GRID1: variants seen among roughly 807,000 people sequenced by gnomAD.
The protein encoded by GRID1 is glutamate ionotropic receptor delta type subunit 1.
Under a neutral mutation model 98.0 loss-of-function variants are expected in GRID1, and 28 were observed. The ratio of observed to expected loss-of-function variants is 0.29; its 90% confidence interval spans 0.21 to 0.39. The LOEUF (loss-of-function observed/expected upper bound fraction) is 0.39, where lower values mean the gene tolerates loss of function less well. Ranked by LOEUF, GRID1 falls within the 10% of genes least tolerant of loss-of-function variation. The pLI, the probability that GRID1 is intolerant of heterozygous loss-of-function variation, is 1.00. For synonymous variants in GRID1, 553 were observed against 538.5 expected (o/e 1.03, Z -0.37); for missense variants, 1,111 against 1,340.5 (o/e 0.83, Z 2.67).
At chr10:85,857,981 C>T (rs2131783441) in intron 6 of GRID1, among the ~76,000 whole-genome samples, 1 of 152,344 alleles carries the variant, frequency 6.6e-6, no homozygotes, top group East Asian at 1.9e-4. Flanking sequence ...AAGCTGAAGT[C>T]TGAGATGAGC....
intron 3 of GRID1, among the ~76,000 whole-genome samples, chr10:86,145,663 C>G (rs2131976816): frequency 6.6e-6 from 1 of 152,258 alleles, no homozygotes; most frequent in Non-Finnish European, 1.5e-5. Flanking sequence ...GAGGCCATCT[C>G]AGGTCCTCAA....
At chr10:86,160,152 C>G (rs973642858) in intron 3 of GRID1, among the ~76,000 whole-genome samples, 34 of 152,280 alleles carry the variant, frequency 2.2e-4, no homozygotes, top group African/African-American at 7.9e-4. Context: ...CAGGATGGGT[C>G]TGATTTCTAC....
intron 12 of GRID1, among the ~76,000 whole-genome samples, chr10:85,682,021 C>T (rs1293980665): frequency 1.3e-5 from 2 of 151,952 alleles, no homozygotes; most frequent in African/African-American, 2.4e-5. Flanking sequence ...GTGGGGCAAG[C>T]AGCAGACAGC....
chr10:86,258,434 A>C (rs1231576536), intron 2 of GRID1, among the ~76,000 whole-genome samples: 1 of 152,216 alleles, frequency 6.6e-6, no homozygotes, highest in Admixed American at 6.5e-5. Context: ...GTAACAAGCA[A>C]CCCCAAAATC....
chr10:85,896,802 T>A (rs1841300035), intron 5 of GRID1, among the ~76,000 whole-genome samples: 1 of 152,114 alleles, frequency 6.6e-6, no homozygotes, highest in Non-Finnish European at 1.5e-5. Context: ...ACTCTTTGAG[T>A]TTCCATACTT....
At chr10:86,061,051 C>T (rs533153861) in intron 4 of GRID1, among the ~76,000 whole-genome samples, 47 of 152,280 alleles carry the variant, frequency 3.1e-4, no homozygotes, top group East Asian at 1.9e-4. Context: ...TCACCTTGGC[C>T]CCCATGGCAC....
At chr10:85,808,990 G>A (rs755790307) in intron 8 of GRID1, among the ~76,000 whole-genome samples, 6 of 151,646 alleles carry the variant, frequency 4.0e-5, no homozygotes, top group Non-Finnish European at 8.8e-5. Context: ...GAAAACAGAG[G>A]AAATGAGAGA....
At chr10:85,946,701 A>G (rs12220143) in intron 4 of GRID1, among the ~76,000 whole-genome samples, 5,409 of 152,242 alleles carry the variant, frequency 0.036, 247 homozygotes, top group East Asian at 0.17. Context: ...TCCCCAGGTC[A>G]GTCTTGGGCG....
intron 4 of GRID1, among the ~76,000 whole-genome samples, chr10:86,009,876 T>C (rs1195580573): frequency 6.6e-6 from 1 of 152,164 alleles, no homozygotes; most frequent in Non-Finnish European, 1.5e-5. Flanking sequence ...AGCAGATACA[T>C]AGGCAAGAAA....
At chr10:86,357,702 C>G (rs1041200418) in intron 2 of GRID1, among the ~76,000 whole-genome samples, 1 of 152,152 alleles carries the variant, frequency 6.6e-6, no homozygotes, top group Non-Finnish European at 1.5e-5. Flanking sequence ...GAAGGAGAAC[C>G]CTGACACCTG....
At chr10:86,291,617 G>T (rs543006606) in intron 2 of GRID1, among the ~76,000 whole-genome samples, 15 of 152,306 alleles carry the variant, frequency 9.8e-5, no homozygotes, top group African/African-American at 3.4e-4. Flanking sequence ...GCCCTGGGCT[G>T]CTGTCCCCAA....
intron 2 of GRID1, among the ~76,000 whole-genome samples, chr10:86,286,764 G>T (rs1485606773): frequency 6.6e-6 from 1 of 152,182 alleles, no homozygotes; most frequent in Non-Finnish European, 1.5e-5. Context: ...CTACCCCAGG[G>T]GCAGAGCCTG....
intron 4 of GRID1, among the ~76,000 whole-genome samples, chr10:86,019,594 G>A (rs1410604767): frequency 1.3e-5 from 2 of 152,224 alleles, no homozygotes; most frequent in African/African-American, 2.4e-5. Context: ...TTTGCAGATT[G>A]TCCATTTAAT....
intron 4 of GRID1, among the ~76,000 whole-genome samples, chr10:86,113,469 G>A (rs1485296517): frequency 6.6e-6 from 1 of 152,078 alleles, no homozygotes; most frequent in African/African-American, 2.4e-5. Context: ...TCAGATGTTA[G>A]CTGAAAAGTC....
chr10:86,199,736 A>G (rs1228408121), intron 3 of GRID1, among the ~76,000 whole-genome samples: 1 of 152,134 alleles, frequency 6.6e-6, no homozygotes, highest in Non-Finnish European at 1.5e-5. Flanking sequence ...TCCTACCTCT[A>G]GCTTAGACTC....
intron 2 of GRID1, among the ~76,000 whole-genome samples, chr10:86,236,787 A>G (rs1277456131): frequency 6.6e-6 from 1 of 152,130 alleles, no homozygotes; most frequent in African/African-American, 2.4e-5. Flanking sequence ...AAGCACAGAG[A>G]AGGAAAATGT....
At chr10:85,824,305 G>A (rs368000524) in intron 8 of GRID1, among the ~76,000 whole-genome samples, 18 of 152,132 alleles carry the variant, frequency 1.2e-4, no homozygotes, top group African/African-American at 3.6e-4. Context: ...TCCACCTCCC[G>A]GGTTCAAGTG....
chr10:86,189,071 C>T (rs892442406), intron 3 of GRID1, among the ~76,000 whole-genome samples: 1 of 152,136 alleles, frequency 6.6e-6, no homozygotes, highest in Non-Finnish European at 1.5e-5. Flanking sequence ...CCTCTGGTTT[C>T]CTGCATCTCA....
chr10:86,246,488 G>A (rs1467320011), intron 2 of GRID1, among the ~76,000 whole-genome samples: 6 of 152,136 alleles, frequency 3.9e-5, no homozygotes, highest in Admixed American at 1.3e-4. Flanking sequence ...CAACCCGGCC[G>A]CACCTGGGCC....
Sources: gnomAD v4.1 joint callset for allele counts (sites outside exome capture counted in the v4.1 genomes callset) on GRCh38, gnomAD v4.1.1 for gene constraint, MANE v1.5 for transcripts, NCBI Gene and HGNC (gene_info 2026-07-23, HGNC 2026-07-21) for gene names.